The following CYFIP1 variants were observed in gnomAD, a reference collection of about 807,000 sequenced individuals.
CYFIP1 encodes the protein cytoplasmic FMR1 interacting protein 1.
In CYFIP1, 58 loss-of-function variants were observed where a neutral mutation model predicts 163.5. The observed-to-expected ratio is 0.35, with a 90% CI of 0.29 to 0.44. CYFIP1 has a LOEUF of 0.44. Among genes scored for constraint, CYFIP1 ranks in the 20% least tolerant of loss-of-function variants. CYFIP1 has a pLI of 1.00. For missense variants in CYFIP1, 1,338 were observed against 1,653.8 expected (o/e 0.81, Z 3.31); for synonymous variants, 663 against 660.7 (o/e 1.00, Z -0.05).
At chr15:22,933,496 A>G (rs954163024) in intron 10 of CYFIP1, among the ~76,000 whole-genome samples, 1 of 151,646 alleles carries the variant, frequency 6.6e-6, no homozygotes, top group African/African-American at 2.4e-5. Context: ...TTCTATTTTT[A>G]GTAGAGACGG....
At chr15:22,915,879 C>T (rs1308795505) in intron 16 of CYFIP1, among the ~76,000 whole-genome samples, 1 of 152,186 alleles carries the variant, frequency 6.6e-6, no homozygotes, top group African/African-American at 2.4e-5. Context: ...ATTAAAAGAG[C>T]CCACACTCGA....
chr15:22,943,024 T>TGC (rs202199588), intron 6 of CYFIP1, 149 bp downstream of exon 6: 16,418 of 698,146 alleles, frequency 0.024, 249 homozygotes, highest in Non-Finnish European at 0.03. Flanking sequence ...TCGAAGCAGG[T>TGC]GCTCACACAG....
chr15:22,940,037 A>G (rs991030525), intron 6 of CYFIP1, among the ~76,000 whole-genome samples: 1 of 152,032 alleles, frequency 6.6e-6, no homozygotes, highest in African/African-American at 2.4e-5. Flanking sequence ...TTGTAGCTAC[A>G]CCCGTACGTG....
chr15:22,874,598 G>A lies in CYFIP1; in HGVS notation c.3162C>T (p.Tyr1054=), dbSNP rs146791821. Residue 1054 remains tyrosine (Y), a synonymous_variant, in exon 28 of 31, where the codon TAC becomes TAT. Coordinates refer to ENST00000617928, the MANE Select transcript of CYFIP1 (RefSeq NM_014608.6). The part of the protein sequence containing the change: ...DAKMKRLESK[Y]APLHLVPLIE... ...TCAGTGGGACAAGATGCAGCGGGGCGTACTTTGATTCTAGTCTTTTCATTT... is the reference window on the plus strand; with the variant it reads ...TCAGTGGGACAAGATGCAGCGGGGCATACTTTGATTCTAGTCTTTTCATTT... 8.3e-3 allele frequency: 13,303 copies of A among 1,606,456 alleles called. 98 individuals are homozygous for A. Among genetic ancestry groups the A allele is most frequent in the Non-Finnish European group, 0.01 (11,935 of 1,177,084 alleles).
chr15:22,875,594 G>T (rs1052990468), intron 26 of CYFIP1: 78 of 243,146 alleles, frequency 3.2e-4, no homozygotes, highest in African/African-American at 1.7e-3. Flanking sequence ...TGTTTTCCAG[G>T]ATTTACCTGT....
intron 1 of CYFIP1, among the ~76,000 whole-genome samples, chr15:22,966,526 C>A (rs917715067): frequency 1.2e-4 from 18 of 152,122 alleles, no homozygotes; most frequent in Non-Finnish European, 1.9e-4. Context: ...TGTCCAGCCT[C>A]CAGAACTGTG....
At chr15:22,899,425 C>T (rs73410360) in intron 22 of CYFIP1, among the ~76,000 whole-genome samples, 5 of 152,162 alleles carry the variant, frequency 3.3e-5, no homozygotes, top group South Asian at 2.1e-4. Flanking sequence ...ATAATTCCCA[C>T]GTCTCATGAG....
chr15:22,890,309 C>CAAA (rs916023349), intron 23 of CYFIP1, among the ~76,000 whole-genome samples: 3 of 81,508 alleles, frequency 3.7e-5, no homozygotes, highest in Non-Finnish European at 5.2e-5. Flanking sequence ...GACTCCATCT[C>CAAA]AAAAAAAAAA....
intron 1 of CYFIP1, among the ~76,000 whole-genome samples, chr15:22,955,867 C>T (rs1357487768): frequency 7.2e-6 from 1 of 139,232 alleles, no homozygotes; most frequent in Non-Finnish European, 1.6e-5. Context: ...TTTGTAAAAC[C>T]TCACAATCAT....
chr15:22,942,793 G>A (rs963847976), intron 6 of CYFIP1, among the ~76,000 whole-genome samples: 5 of 152,164 alleles, frequency 3.3e-5, no homozygotes, highest in African/African-American at 2.4e-5. Context: ...CAGCCCCAAC[G>A]CCCAAGGTAG....
chr15:22,897,332 G>T (rs2060268673), intron 22 of CYFIP1, among the ~76,000 whole-genome samples: 1 of 152,052 alleles, frequency 6.6e-6, no homozygotes, highest in African/African-American at 2.4e-5. Flanking sequence ...AAAAAAGAGA[G>T]AGTGTTGAAT....
intron 22 of CYFIP1, among the ~76,000 whole-genome samples, chr15:22,902,433 G>GTAA (rs2074377222): frequency 2.0e-5 from 3 of 152,220 alleles, no homozygotes. Flanking sequence ...CACTTTAGAG[G>GTAA]ACAAATACAT....
chr15:22,903,040 G>A (rs1037244734), intron 22 of CYFIP1, among the ~76,000 whole-genome samples: 4 of 152,142 alleles, frequency 2.6e-5, no homozygotes, highest in Non-Finnish European at 5.9e-5. Context: ...CCTAACACTC[G>A]CATGTGCACA....
chr15:22,921,439 AG>A (rs1463857869), intron 13 of CYFIP1, among the ~76,000 whole-genome samples: 1 of 152,046 alleles, frequency 6.6e-6, no homozygotes. Flanking sequence ...TGTATAATCA[AG>A]GGTGATCAAC....
rs2059504005 is a variant in CYFIP1 at position 22,873,794 on chromosome 15, A to G, written c.3211-65T>C. The stretch of plus-strand genomic sequence containing the variant: ...GGCATCCAGCTACTCCACATCCTCT[A>G]TGTCTCTTTTCTCTTGAGACAGGGT... On this transcript the variant is annotated intron_variant, in intron 28 of 30. Coordinates refer to ENST00000617928, the MANE Select transcript of CYFIP1 (RefSeq NM_014608.6). The G allele has an allele frequency of 2.2e-6, 3 of 1,360,870 alleles. No homozygotes were observed. The South Asian group carries it at 3.8e-5, about 17-fold the overall frequency. 84.3% of individuals were successfully genotyped at this position (1,360,870 alleles called of 1,614,324 possible). A position where few individuals can be genotyped will look rare whatever the true frequency, so the allele number is the denominator to read the frequency against.
intron 3 of CYFIP1, among the ~76,000 whole-genome samples, chr15:22,945,451 G>T (rs866024531): frequency 6.6e-6 from 1 of 152,226 alleles, no homozygotes; most frequent in Non-Finnish European, 1.5e-5. Context: ...GAGTCCATGG[G>T]AAGAGGACTG....
At chr15:22,934,726 C>G (rs562976063) in intron 9 of CYFIP1, among the ~76,000 whole-genome samples, 14 of 151,642 alleles carry the variant, frequency 9.2e-5, no homozygotes, top group Admixed American at 6.6e-5. Context: ...TCTCGATCTC[C>G]TGACCTCGTG....
At chr15:22,942,151 G>A (rs936571662) in intron 6 of CYFIP1, among the ~76,000 whole-genome samples, 3 of 152,232 alleles carry the variant, frequency 2.0e-5, no homozygotes, top group African/African-American at 7.2e-5. Flanking sequence ...TATTTCACAT[G>A]AATGAGGCTT....
intron 1 of CYFIP1, chr15:22,951,518 A>C (rs1460370362): frequency 1.6e-6 from 2 of 1,288,096 alleles, no homozygotes; most frequent in Admixed American, 4.6e-5. Flanking sequence ...CTTCGGCCCC[A>C]TAGGGGCTGC....
Sources: allele counts gnomAD v4.1 joint callset (sites outside exome capture counted in the v4.1 genomes callset), GRCh38; gene constraint gnomAD v4.1.1; transcripts MANE v1.5; gene names NCBI Gene and HGNC (gene_info 2026-07-23, HGNC 2026-07-21).